The following NFIA variants were observed in gnomAD, a reference collection of about 807,000 sequenced individuals.
NFIA encodes nuclear factor I A.
In NFIA, 8 loss-of-function variants were observed where a neutral mutation model predicts 62.8. The ratio of observed to expected loss-of-function variants is 0.13; its 90% CI spans 0.07 to 0.23. The LOEUF (loss-of-function observed/expected upper bound fraction) is 0.23. Ranked by LOEUF, NFIA falls within the 10% of genes least tolerant of loss-of-function variation. The probability of loss-of-function intolerance (pLI) is 1.00; values close to 1 mark genes in which losing one functional copy is unlikely to be tolerated. For synonymous variants in NFIA, 235 were observed against 238.1 expected, an observed-to-expected ratio of 0.99 and a Z score of 0.12; for missense variants, 410 against 642.1, an observed-to-expected ratio of 0.64 and a Z score of 3.91.
intron 2 of NFIA, among the ~76,000 whole-genome samples, chr1:61,276,852 A>G (rs577331846): frequency 6.6e-6 from 1 of 152,306 alleles, no homozygotes; most frequent in South Asian, 2.1e-4. Flanking sequence ...GAGGTGTACA[A>G]AAATCTGTTT....
upstream of NFIA, among the ~76,000 whole-genome samples, chr1:61,078,787 A>G (rs993143265): frequency 1.3e-5 from 2 of 152,206 alleles, no homozygotes; most frequent in Non-Finnish European, 2.9e-5. Context: ...TGTTACCACA[A>G]CAACCCCCGT....
chr1:61,099,469 A>G (rs970122599), intron 2 of NFIA, among the ~76,000 whole-genome samples: 9 of 152,240 alleles, frequency 5.9e-5, no homozygotes, highest in African/African-American at 9.6e-5. Context: ...TGGCAATTCA[A>G]GGAGGTTGCC....
At chr1:61,136,181 C>T (rs909388973) in intron 2 of NFIA, among the ~76,000 whole-genome samples, 1 of 152,136 alleles carries the variant, frequency 6.6e-6, no homozygotes, top group African/African-American at 2.4e-5. Flanking sequence ...TTGGATTCAC[C>T]GTGTCACAGC....
upstream of NFIA, among the ~76,000 whole-genome samples, chr1:61,080,412 C>T (rs1162120131): frequency 6.6e-6 from 1 of 152,016 alleles, no homozygotes; most frequent in South Asian, 2.1e-4. Context: ...TTTTAATACA[C>T]CAAAAGAAAG....
chr1:61,185,612 C>T (rs1651114475), intron 2 of NFIA, among the ~76,000 whole-genome samples: 1 of 148,212 alleles, frequency 6.7e-6, no homozygotes, highest in Non-Finnish European at 1.5e-5. Flanking sequence ...TGTCTGGCTT[C>T]TGTATCTACC....
chr1:61,244,601 C>T lies in NFIA; in HGVS notation c.560-32919C>T, dbSNP rs569555027. 6.6e-5 allele frequency among the ~76,000 whole-genome samples: 10 copies of T among 152,250 alleles called. No individual in the cohort carries two copies. The South Asian group carries it at 1.9e-3, about 28-fold the overall frequency. On this transcript the variant is annotated intron_variant, in intron 2 of 10. Coordinates refer to ENST00000403491, the MANE Select transcript of NFIA (RefSeq NM_001134673.4). ...CTTAAATAATCTAGTACCTTGTGGT[C>T]ACCTGGGTTTGGGTCAGACATTCTC...
intron 2 of NFIA, among the ~76,000 whole-genome samples, chr1:61,269,253 AAAG>A (rs1198670525): frequency 5.9e-5 from 9 of 152,170 alleles, no homozygotes; most frequent in African/African-American, 2.2e-4. Context: ...TATTAGGAAT[AAAG>A]AAGACTTCGG....
intron 2 of NFIA, among the ~76,000 whole-genome samples, chr1:61,162,489 G>C (rs1649281764): frequency 2.0e-5 from 3 of 152,186 alleles, no homozygotes; most frequent in Non-Finnish European, 2.9e-5. Context: ...TCTTGGGAAG[G>C]CTGTGTTCTT....
intron 3 of NFIA, among the ~76,000 whole-genome samples, chr1:61,330,436 A>ACCT (rs1553173844): frequency 1.6e-5 from 1 of 63,480 alleles, no homozygotes; most frequent in African/African-American, 5.0e-5. Context: ...AAATAGATAC[A>ACCT]CCCCCCCCAC....
intron 9 of NFIA, among the ~76,000 whole-genome samples, chr1:61,425,806 G>T (rs1365409383): frequency 2.0e-5 from 3 of 152,186 alleles, no homozygotes; most frequent in African/African-American, 7.2e-5. Context: ...TTGATAAAGG[G>T]TCTTGATAGT....
chr1:61,295,266 G>C (rs917592215), intron 3 of NFIA, among the ~76,000 whole-genome samples: 19 of 152,322 alleles, frequency 1.2e-4, no homozygotes, highest in African/African-American at 4.6e-4. Flanking sequence ...TGACTGACAT[G>C]AAGAGATCTT....
chr1:61,171,617 A>C (rs1348559511), intron 2 of NFIA, among the ~76,000 whole-genome samples: 2 of 152,192 alleles, frequency 1.3e-5, no homozygotes, highest in South Asian at 2.1e-4. Context: ...TCTTTCTTGA[A>C]GAAATGGAGA....
At chr1:61,308,463 C>T (rs1210478229) in intron 3 of NFIA, among the ~76,000 whole-genome samples, 1 of 152,236 alleles carries the variant, frequency 6.6e-6, no homozygotes, top group Non-Finnish European at 1.5e-5. Flanking sequence ...AGACTTCCCT[C>T]TCAGGTGTGT....
chr1:61,147,998 A>C (rs1648129741), intron 2 of NFIA, among the ~76,000 whole-genome samples: 1 of 152,162 alleles, frequency 6.6e-6, no homozygotes, highest in Admixed American at 6.5e-5. Context: ...TTAATTTAGT[A>C]GGTCGATTAG....
chr1:61,342,637 C>T (rs1465207673), intron 4 of NFIA, among the ~76,000 whole-genome samples: 1 of 152,166 alleles, frequency 6.6e-6, no homozygotes, highest in Non-Finnish European at 1.5e-5. Context: ...AAGTTTAAGA[C>T]CTGCAAAAGC....
intron 3 of NFIA, among the ~76,000 whole-genome samples, chr1:61,300,228 T>C (rs1488393267): frequency 1.3e-5 from 2 of 152,188 alleles, no homozygotes; most frequent in African/African-American, 2.4e-5. Context: ...AGCTAACAAT[T>C]ACACTCTAGA....
intron 2 of NFIA, among the ~76,000 whole-genome samples, chr1:61,145,986 T>G (rs903280029): frequency 7.9e-5 from 12 of 152,232 alleles, no homozygotes; most frequent in Admixed American, 1.3e-4. Context: ...AACACAGATC[T>G]ATTCCCTGAT....
chr1:61,446,004 C>G (rs1479722797), intron 10 of NFIA, among the ~76,000 whole-genome samples: 1 of 152,068 alleles, frequency 6.6e-6, no homozygotes, highest in Non-Finnish European at 1.5e-5. Context: ...CTCCCAATAT[C>G]CCATCTACCC....
intron 3 of NFIA, among the ~76,000 whole-genome samples, chr1:61,286,106 A>G (rs748151327): frequency 1.3e-5 from 2 of 152,170 alleles, no homozygotes; most frequent in South Asian, 2.1e-4. Context: ...CAATTTTCTC[A>G]TAAGTAATTT....
Sources: gnomAD v4.1 joint callset for allele counts (sites outside exome capture counted in the v4.1 genomes callset) on GRCh38, gnomAD v4.1.1 for gene constraint, MANE v1.5 for transcripts, NCBI Gene and HGNC (gene_info 2026-07-23, HGNC 2026-07-21) for gene names.